The following FLNA variants were observed in gnomAD, a reference collection of about 807,000 sequenced individuals.
FLNA encodes the protein filamin-A.
Under a neutral mutation model 157.6 loss-of-function variants are expected in FLNA, and 7 were observed. The ratio of observed to expected loss-of-function variants is 0.04; its 90% CI spans 0.03 to 0.08. The LOEUF (loss-of-function observed/expected upper bound fraction) is 0.08. Among genes scored for constraint, FLNA ranks in the 10% least tolerant of loss-of-function variants. FLNA has a pLI of 1.00. For missense variants in FLNA, 1,750 were observed against 2,398.4 expected (o/e 0.73, Z 5.65); for synonymous variants, 1,103 against 1,060.8 (o/e 1.04, Z -0.77).
At chrX:154,356,425 C>T (rs1237285668) in intron 30 of FLNA, among the ~76,000 whole-genome samples, 2 of 112,176 alleles carry the variant, frequency 1.8e-5, no homozygotes, top group African/African-American at 6.5e-5. Context: ...CTCCCCCGCC[C>T]TGCGCACACA....
intron 21 of FLNA, 92 bp downstream of exon 21, chrX:154,361,216 A>T: frequency 1.4e-4 from 101 of 732,823 alleles, no homozygotes; most frequent in Non-Finnish European, 1.7e-4. Flanking sequence ...AAAAAAAAGG[A>T]TTTAGGGCAG....
intron 26 of FLNA, 52 bp from the exon 27 acceptor site, chrX:154,358,620 C>G: frequency 8.4e-7 from 1 of 1,186,023 alleles, no homozygotes; most frequent in Non-Finnish European, 1.1e-6. Context: ...GGCCTCCATT[C>G]CTACCCCACC....
At chrX:154,355,137 G>T in intron 30 of FLNA, 65 bp from the exon 31 acceptor site, 2 of 1,124,167 alleles carry the variant, frequency 1.8e-6, no homozygotes, top group Non-Finnish European at 2.4e-6. Context: ...GGTTGTTCCC[G>T]TCCGCCTGCC....
At position 154,352,937 on chromosome X, in the gene FLNA, T is replaced by C. The variant is rs2067632106; in HGVS notation, c.6227-13A>G. The C allele has an allele frequency of 8.3e-7, 1 of 1,211,308 alleles. No individual in the cohort carries two copies. The highest frequency in any genetic ancestry group is 1.7e-5 in the African/African-American group (1 of 57,951). ...AGCCCACCATAGCCTAGGGGATGGA[T>C]ACCCCTGAGCCTCGGTGCTATGCAC... On this transcript the variant is annotated splice_polypyrimidine_tract_variant and intron_variant, in intron 38 of 47. Transcript: ENST00000369850.
intron 15 of FLNA, 54 bp downstream of exon 15, chrX:154,363,968 T>C: frequency 8.5e-7 from 1 of 1,171,108 alleles, no homozygotes; most frequent in Non-Finnish European, 1.2e-6. Flanking sequence ...GGACGAATCG[T>C]GTGCTACGTG....
In FLNA at chrX:154,360,163, T is replaced by C. The variant is rs782447772; in HGVS notation, c.3632A>G (p.Asp1211Gly). The C allele has an allele frequency of 8.3e-7, 1 of 1,209,676 alleles. No homozygotes were observed. The highest frequency in any genetic ancestry group is 1.8e-5 in the South Asian group (1 of 57,014). Residue 1211 changes from aspartate (D) to glycine (G), a missense_variant, in exon 22 of 48, where the codon GAC becomes GGC. By Grantham distance (94) the Asp-to-Gly change is moderately conservative. This residue lies in a region of FLNA where 970 missense variants were observed against 1,302.6 expected (regional missense o/e 0.74). Transcript: ENST00000369850. ...AGLPAEVYIQ[D>G]HGDGTHTITY... The stretch of plus-strand genomic sequence containing the variant: ...AATGGTGTGCGTGCCATCACCGTGG[T>C]CCTGGATGTACACCTCGGCCGGAAG...
chrX:154,360,650 G>T, intron 21 of FLNA, 63 bp from the exon 22 acceptor site: 1 of 1,029,977 alleles, frequency 9.7e-7, no homozygotes, highest in Middle Eastern at 2.5e-4. Context: ...CCTCCTGCTT[G>T]ACTTTCCACC....
chrX:154,364,863 C>G lies in FLNA; in HGVS notation c.1786G>C (p.Asp596His). Reference sequence around the variant, plus strand: ...TCCCCGATAGCCTCCACCACAAAGTCTGCTGACTTGCCAACGACGCCGCCC... The same window carrying G: ...TCCCCGATAGCCTCCACCACAAAGTGTGCTGACTTGCCAACGACGCCGCCC... ...LEGGVVGKSA[D>H]FVVEAIGDDV... The change falls in exon 12 of 48, where the codon GAC becomes CAC. Residue 596 changes from aspartate to histidine, a missense_variant. Physicochemically the swap from Asp to His is moderately conservative, Grantham distance 81. Transcript: ENST00000369850. The G allele has an allele frequency of 2.5e-6, 3 of 1,211,943 alleles. No homozygotes were observed. Among genetic ancestry groups the G allele is most frequent in the Non-Finnish European group, 3.3e-6 (3 of 895,639 alleles).
chrX:154,365,746 G>A (rs782532255), intron 9 of FLNA, among the ~76,000 whole-genome samples: 10 of 105,015 alleles, frequency 9.5e-5, no homozygotes, highest in Non-Finnish European at 1.6e-4. Context: ...TCCAAGTACC[G>A]TTGACCCTGT....
At chrX:154,358,753 C>G in intron 26 of FLNA, 185 bp from the exon 27 acceptor site, 1 of 614,776 alleles carries the variant, frequency 1.6e-6, no homozygotes, top group Non-Finnish European at 2.6e-6. Flanking sequence ...CAGCTGGGAC[C>G]CTTGCCTGCC....
In FLNA at chrX:154,362,284, C is replaced by T. The variant is rs185503240; in HGVS notation, c.2614G>A (p.Ala872Thr). 1.4e-5 allele frequency: 17 copies of T among 1,209,838 alleles called. No individual in the cohort carries two copies. In the African/African-American group the frequency reaches 1.7e-4, roughly 12 times the overall value. Residue 872 changes from alanine to threonine, a missense_variant, in exon 18 of 48, where the codon GCC (alanine) becomes ACC (threonine). Transcript: ENST00000369850. Reference sequence around the variant, plus strand: ...GGGCCCTCGGCCTTCACCTTACTGGCGTCATGAGAGGGCTCCACCTTGACT... The same window carrying T: ...GGGCCCTCGGCCTTCACCTTACTGGTGTCATGAGAGGGCTCCACCTTGACT... ...IRVKVEPSHDASKVKAEGPGL... is the reference protein window; with the variant it reads ...IRVKVEPSHDTSKVKAEGPGL...
At chrX:154,369,315 C>A (rs1330912405) in intron 2 of FLNA, among the ~76,000 whole-genome samples, 1 of 112,459 alleles carries the variant, frequency 8.9e-6, no homozygotes, top group Non-Finnish European at 1.9e-5. Context: ...ACAAGGCCAG[C>A]CAGGGCTTCC....
rs1557180197 is a variant in FLNA, at chrX:154,371,064, C to T, written c.182G>A (p.Ser61Asn). The change falls in exon 2 of 48, where the codon AGC (serine) becomes AAC (asparagine). Residue 61 changes from serine to asparagine, a missense_variant. Coordinates refer to ENST00000369850, the MANE Select transcript of FLNA (RefSeq NM_001110556.2). ...RWCNEHLKCVSKRIANLQTDL... is the reference protein window; with the variant it reads ...RWCNEHLKCVNKRIANLQTDL... ...CGTCTGCAGGTTGGCGATGCGCTTG[C>T]TCACGCACTTCAGGTGCTCGTTGCA... 7 of 1,205,457 alleles carry T rather than the reference C, an allele frequency of 5.8e-6. No homozygotes were observed. The highest frequency in any genetic ancestry group is 7.8e-6 in the Non-Finnish European group (7 of 892,143).
At chrX:154,363,941 C>T in intron 15 of FLNA, 81 bp downstream of exon 15, 5 of 1,064,483 alleles carry the variant, frequency 4.7e-6, no homozygotes, top group Non-Finnish European at 6.5e-6. Context: ...GGATGGTGTG[C>T]CACAACCACT....
At chrX:154,364,450 C>T in intron 13 of FLNA, 76 bp downstream of exon 13, 2 of 1,183,705 alleles carry the variant, frequency 1.7e-6, no homozygotes, top group Non-Finnish European at 2.3e-6. Context: ...TGGCCAGGGA[C>T]ACAGAGTGCC....
At position 154,364,732 on chromosome X, in the gene FLNA, A is replaced by G. The variant is rs192905521; in HGVS notation, c.1829-13T>C. ...TCCACCGAGAAGCCTGACAACAGCC[A>G]CCAGTCCCCTCAGTGCCCTGGAGCC... On this transcript the variant is annotated splice_polypyrimidine_tract_variant and intron_variant, in intron 12 of 47. Transcript: ENST00000369850. 1.5e-3 allele frequency: 1,753 copies of G among 1,206,580 alleles called. 14 individuals carry two copies. In the African/African-American group the frequency reaches 0.027, roughly 19 times the overall value.
At chrX:154,351,216 C>A in intron 43 of FLNA, 175 bp from the exon 44 acceptor site, 1 of 505,585 alleles carries the variant, frequency 2.0e-6, no homozygotes, top group Non-Finnish European at 3.4e-6. Flanking sequence ...GCGCACATCC[C>A]CGCCCCTGCC....
intron 5 of FLNA, among the ~76,000 whole-genome samples, chrX:154,367,069 G>A (rs1404797740): frequency 2.7e-5 from 3 of 112,074 alleles, no homozygotes; most frequent in African/African-American, 6.5e-5. Flanking sequence ...CATTCTCACC[G>A]CACTGGGCCC....
At chrX:154,349,135 G>A (rs2067598240) in intron 47 of FLNA, 99 bp from the exon 48 acceptor site, 1 of 923,983 alleles carries the variant, frequency 1.1e-6, no homozygotes. Flanking sequence ...TGGGGTGACA[G>A]TTCTCTCTTC....
Sources: gnomAD v4.1 joint callset for allele counts (sites outside exome capture counted in the v4.1 genomes callset) on GRCh38, gnomAD v4.1.1 for gene constraint, gnomAD v4.1.1 regional missense constraint, MANE v1.5 for transcripts, NCBI Gene and HGNC (gene_info 2026-07-23, HGNC 2026-07-21) for gene names.